The following KIAA0825 variants were observed in gnomAD, a reference collection of about 807,000 sequenced individuals.
The protein encoded by KIAA0825 is KIAA0825, also known as uncharacterized protein KIAA0825.
A neutral mutation model predicts 147.6 loss-of-function variants in KIAA0825; 119 were observed. That is an observed-to-expected ratio of 0.81 (90% confidence interval 0.69 to 0.94). The LOEUF (loss-of-function observed/expected upper bound fraction) is 0.94. KIAA0825 is among the 40% of genes least tolerant of loss of function. KIAA0825 has a pLI of 0.00. For missense variants in KIAA0825, 1,381 were observed against 1,472.7 expected (o/e 0.94, Z 1.02); for synonymous variants, 470 against 518.1 (o/e 0.91, Z 1.26).
chr5:94,462,506 T>G lies in KIAA0825; in HGVS notation c.2127A>C (p.Val709=). 1 of 1,546,370 alleles carries G rather than the reference T, an allele frequency of 6.5e-7. No individual in the cohort carries two copies. Among genetic ancestry groups the G allele is most frequent in the Non-Finnish European group, 8.7e-7 (1 of 1,144,164 alleles). The part of the protein sequence containing the change: ...ENMLWSVCTS[V]QKLLNPHQHT... ...GCTGATGAGGATTCAAAAGTTTCTGTACAGATGTACAAACTGACCATAACA... is the reference window on the plus strand; with the variant it reads ...GCTGATGAGGATTCAAAAGTTTCTGGACAGATGTACAAACTGACCATAACA... Residue 709 remains valine, a synonymous_variant, in exon 12 of 21, where the codon GTA becomes GTC. Transcript: ENST00000682413.
intron 14 of KIAA0825, among the ~76,000 whole-genome samples, chr5:94,420,470 C>G (rs974902036): frequency 6.6e-6 from 1 of 152,164 alleles, no homozygotes; most frequent in African/African-American, 2.4e-5. Flanking sequence ...AGCACTCAGT[C>G]CAAACTATGT....
At chr5:94,184,039 C>A (rs1248962143) in intron 20 of KIAA0825, among the ~76,000 whole-genome samples, 5 of 152,064 alleles carry the variant, frequency 3.3e-5, no homozygotes, top group African/African-American at 9.7e-5. Flanking sequence ...TAGGACTGAG[C>A]CTTTAACCTG....
intron 2 of KIAA0825, among the ~76,000 whole-genome samples, chr5:94,537,816 C>T (rs971374637): frequency 6.6e-6 from 1 of 152,082 alleles, no homozygotes; most frequent in Non-Finnish European, 1.5e-5. Flanking sequence ...TTCCCTCAAC[C>T]TTTGTCAATA....
intron 7 of KIAA0825, among the ~76,000 whole-genome samples, chr5:94,475,051 T>C (rs1190081523): frequency 1.3e-5 from 2 of 150,702 alleles, no homozygotes; most frequent in East Asian, 2.0e-4. Context: ...ATGGCACCAC[T>C]GCACTCCAGC....
intron 20 of KIAA0825, among the ~76,000 whole-genome samples, chr5:94,307,442 A>T (rs1196284758): frequency 6.6e-6 from 1 of 151,748 alleles, no homozygotes; most frequent in Admixed American, 6.6e-5. Flanking sequence ...CTGTGCTCAA[A>T]GCCCAAGACA....
intron 1 of KIAA0825, among the ~76,000 whole-genome samples, chr5:94,583,309 G>A (rs1196778818): frequency 6.6e-6 from 1 of 152,200 alleles, no homozygotes; most frequent in Admixed American, 6.5e-5. Context: ...TCCAAATACT[G>A]CACTCTTCCC....
chr5:94,432,637 C>G (rs759292813), intron 14 of KIAA0825, among the ~76,000 whole-genome samples: 1 of 152,022 alleles, frequency 6.6e-6, no homozygotes, highest in Non-Finnish European at 1.5e-5. Flanking sequence ...GACATCATTA[C>G]TGGCAAAAGC....
chr5:94,251,745 A>AT lies in KIAA0825; in HGVS notation c.3711-97622dup, dbSNP rs763750727. 5.4e-4 allele frequency among the ~76,000 whole-genome samples: 82 copies of AT among 151,954 alleles called. 1 individual carries two copies. The Middle Eastern group carries it at 0.01, about 19-fold the overall frequency. Reference sequence around the variant, plus strand: ...CATTAAAGAGGAATAAATAAAATGCATTTTTTTTGTATAGGTTGTTTGCAA... The same window carrying AT: ...CATTAAAGAGGAATAAATAAAATGCATTTTTTTTTGTATAGGTTGTTTGCAA... On this transcript the variant is annotated intron_variant, in intron 20 of 20. Transcript: ENST00000682413.
intron 20 of KIAA0825, among the ~76,000 whole-genome samples, chr5:94,240,874 T>C (rs566341965): frequency 1.9e-4 from 29 of 152,328 alleles, no homozygotes; most frequent in Admixed American, 5.2e-4. Context: ...CCGAAATTCC[T>C]TTATGTTTCA....
At chr5:94,523,798 C>A in intron 4 of KIAA0825, 132 bp downstream of exon 4, 1 of 503,594 alleles carries the variant, frequency 2.0e-6, no homozygotes, top group Non-Finnish European at 3.4e-6. Context: ...GATATAGGAA[C>A]ATAAAAACAC....
chr5:94,595,745 C>T (rs1021115364), intron 1 of KIAA0825, among the ~76,000 whole-genome samples: 1 of 152,132 alleles, frequency 6.6e-6, no homozygotes, highest in Non-Finnish European at 1.5e-5. Context: ...AATTCCAAAC[C>T]ATCTTTCTGT....
intron 5 of KIAA0825, among the ~76,000 whole-genome samples, chr5:94,507,457 C>T (rs543709751): frequency 2.6e-5 from 4 of 151,076 alleles, no homozygotes; most frequent in South Asian, 4.2e-4. Flanking sequence ...GTCCCCCCGC[C>T]CCCCCCAAAA....
intron 12 of KIAA0825, among the ~76,000 whole-genome samples, chr5:94,459,355 C>T (rs1033063402): frequency 6.6e-6 from 1 of 152,058 alleles, no homozygotes; most frequent in Non-Finnish European, 1.5e-5. Flanking sequence ...ATTGCTGGGC[C>T]ATATGACCAT....
chr5:94,366,085 C>T (rs1483358277), intron 20 of KIAA0825, among the ~76,000 whole-genome samples: 1 of 152,170 alleles, frequency 6.6e-6, no homozygotes, highest in Non-Finnish European at 1.5e-5. Context: ...AATTAGCACT[C>T]CCAACTCACT....
chr5:94,456,761 AATAAG>A (rs1759168863), intron 12 of KIAA0825, among the ~76,000 whole-genome samples: 1 of 152,208 alleles, frequency 6.6e-6, no homozygotes, highest in African/African-American at 2.4e-5. Context: ...GCTCAATATA[AATAAG>A]ATATCATTAT....
At chr5:94,279,923 A>C (rs1562347265) in intron 20 of KIAA0825, among the ~76,000 whole-genome samples, 1 of 152,108 alleles carries the variant, frequency 6.6e-6, no homozygotes, top group Non-Finnish European at 1.5e-5. Flanking sequence ...GAGGAGGACT[A>C]ACTAGGAATA....
intron 3 of KIAA0825, among the ~76,000 whole-genome samples, chr5:94,533,495 T>C (rs1282120926): frequency 6.6e-6 from 1 of 151,618 alleles, no homozygotes; most frequent in Non-Finnish European, 1.5e-5. Flanking sequence ...CAGGCTGGTC[T>C]CGAACTCCTG....
intron 16 of KIAA0825, among the ~76,000 whole-genome samples, chr5:94,402,183 G>A (rs936319871): frequency 3.9e-5 from 6 of 152,080 alleles, no homozygotes; most frequent in Non-Finnish European, 5.9e-5. Flanking sequence ...TTAACAACTG[G>A]TATCTATAAG....
At chr5:94,522,364 C>T (rs1768381018) in intron 4 of KIAA0825, among the ~76,000 whole-genome samples, 1 of 151,538 alleles carries the variant, frequency 6.6e-6, no homozygotes, top group South Asian at 2.1e-4. Context: ...TTAGATAGGA[C>T]ACATCAGCAT....
Sources: allele counts gnomAD v4.1 joint callset (sites outside exome capture counted in the v4.1 genomes callset), GRCh38; gene constraint gnomAD v4.1.1; transcripts MANE v1.5; gene names NCBI Gene and HGNC (gene_info 2026-07-23, HGNC 2026-07-21).